Variants in DLG2 observed in about 807,000 individuals in gnomAD.
DLG2 encodes discs large MAGUK scaffold protein 2.
In DLG2, 45 loss-of-function variants were observed where a neutral mutation model predicts 132.5. The observed-to-expected ratio is 0.34, with a 90% CI of 0.27 to 0.44. DLG2 has a LOEUF of 0.44. Ranked by LOEUF, DLG2 falls within the 20% of genes least tolerant of loss-of-function variation. The pLI, the probability that DLG2 is intolerant of heterozygous loss-of-function variation, is 1.00. For synonymous variants in DLG2, 424 were observed against 419.6 expected, an observed-to-expected ratio of 1.01 and a Z score of -0.13; for missense variants, 1,045 against 1,196.9, an observed-to-expected ratio of 0.87 and a Z score of 1.87.
chr11:84,740,611 T>A (rs1353752666), intron 6 of DLG2, among the ~76,000 whole-genome samples: 1 of 152,144 alleles, frequency 6.6e-6, no homozygotes, highest in Admixed American at 6.5e-5. Context: ...ACACTGGTGC[T>A]CCATCTTCAT....
intron 7 of DLG2, among the ~76,000 whole-genome samples, chr11:84,282,593 C>T (rs181688246): frequency 6.6e-5 from 10 of 152,084 alleles, no homozygotes; most frequent in Non-Finnish European, 1.3e-4. Flanking sequence ...AAGTGATAAG[C>T]ACTCATCATT....
intron 3 of DLG2, among the ~76,000 whole-genome samples, chr11:85,544,300 G>A (rs1416805566): frequency 2.0e-5 from 3 of 152,142 alleles, no homozygotes; most frequent in Non-Finnish European, 4.4e-5. Context: ...TCAAATGGTG[G>A]TAGATGTGTG....
chr11:85,322,965 A>G (rs532854206), intron 3 of DLG2, among the ~76,000 whole-genome samples: 16 of 152,232 alleles, frequency 1.1e-4, no homozygotes, highest in Admixed American at 3.3e-4. Flanking sequence ...TCTGATCATG[A>G]TGCACACACA....
chr11:83,636,384 GA>G (rs1196430938), intron 18 of DLG2, among the ~76,000 whole-genome samples: 2 of 152,082 alleles, frequency 1.3e-5, no homozygotes, highest in Non-Finnish European at 2.9e-5. Flanking sequence ...TGAGGGAGTA[GA>G]ATACCTAGAT....
chr11:85,466,790 T>C (rs989636469), intron 3 of DLG2, among the ~76,000 whole-genome samples: 1 of 152,154 alleles, frequency 6.6e-6, no homozygotes, highest in Non-Finnish European at 1.5e-5. Context: ...CTTGGCAATG[T>C]GGGTTCTTTT....
intron 7 of DLG2, among the ~76,000 whole-genome samples, chr11:84,364,420 T>C (rs970722787): frequency 1.3e-5 from 2 of 152,170 alleles, no homozygotes; most frequent in Non-Finnish European, 2.9e-5. Context: ...GCTGAGACGA[T>C]GGGGTTTTCT....
intron 4 of DLG2, among the ~76,000 whole-genome samples, chr11:85,258,735 C>T (rs950288856): frequency 6.6e-6 from 1 of 151,912 alleles, no homozygotes; most frequent in Admixed American, 6.6e-5. Context: ...ATTATGGAAC[C>T]CATAATAAAG....
chr11:85,123,144 A>C (rs2074628013), intron 5 of DLG2, among the ~76,000 whole-genome samples: 3 of 150,438 alleles, frequency 2.0e-5, no homozygotes, highest in South Asian at 4.2e-4. Context: ...CACTCGGCTA[A>C]TTTTTTGTAT....
intron 4 of DLG2, among the ~76,000 whole-genome samples, chr11:85,221,753 T>C (rs186594192): frequency 1.4e-4 from 21 of 152,342 alleles, no homozygotes; most frequent in African/African-American, 4.8e-4. Flanking sequence ...TAGTGGTTTA[T>C]CCAAGGTCAT....
intron 19 of DLG2, among the ~76,000 whole-genome samples, chr11:83,628,288 T>C (rs754916273): frequency 6.6e-6 from 1 of 152,220 alleles, no homozygotes; most frequent in East Asian, 1.9e-4. Flanking sequence ...CCTATTACTA[T>C]ACTCATCTTC....
rs368048517 is a variant in DLG2 at position 84,282,520 on chromosome 11, T to G, written c.520-31229A>C. 4.4e-4 allele frequency among the ~76,000 whole-genome samples: 67 copies of G among 152,274 alleles called. 1 individual carries two copies. In the South Asian group the frequency reaches 0.013, roughly 30 times the overall value. The stretch of plus-strand genomic sequence containing the variant: ...ATCAAACTGTACCTCAGTGAAGCTA[T>G]TTAAATTTTTTTAAGTTTCTAGAGA... On this transcript the variant is annotated intron_variant, in intron 7 of 27. Coordinates refer to ENST00000376104, the MANE Select transcript of DLG2 (RefSeq NM_001142699.3).
rs199905209 is a variant in DLG2 at position 85,534,937 on chromosome 11, C to T, written c.40+63720G>A. On this transcript the variant is annotated intron_variant, in intron 3 of 27. Transcript: ENST00000376104. The stretch of plus-strand genomic sequence containing the variant: ...CACACTGTTTTCCACAAGGGCTAAA[C>T]TAATTTACATTTTCACCAATAGTGT... Among the ~76,000 whole-genome samples, 4 of 152,218 alleles carry T rather than the reference C, an allele frequency of 2.6e-5. No homozygotes were observed. The East Asian group carries it at 7.7e-4, about 29-fold the overall frequency.
intron 8 of DLG2, among the ~76,000 whole-genome samples, chr11:84,175,199 T>C (rs2095926191): frequency 6.6e-6 from 1 of 152,164 alleles, no homozygotes; most frequent in African/African-American, 2.4e-5. Context: ...TGGTCATACA[T>C]AGCAGAGCAC....
At chr11:85,069,300 A>G (rs1447643460) in intron 6 of DLG2, among the ~76,000 whole-genome samples, 17 of 152,286 alleles carry the variant, frequency 1.1e-4, no homozygotes, top group Middle Eastern at 3.4e-3. Flanking sequence ...AAATTGACAA[A>G]TGGGATCTGA....
intron 4 of DLG2, among the ~76,000 whole-genome samples, chr11:85,249,280 C>T (rs1484352827): frequency 6.6e-6 from 1 of 151,878 alleles, no homozygotes; most frequent in Non-Finnish European, 1.5e-5. Flanking sequence ...TCAACTACTA[C>T]TTTAATGCTG....
chr11:85,057,772 A>T (rs1340835276), intron 6 of DLG2, among the ~76,000 whole-genome samples: 1 of 151,578 alleles, frequency 6.6e-6, no homozygotes, highest in Non-Finnish European at 1.5e-5. Flanking sequence ...ACATATGAAA[A>T]GAATAACACC....
intron 11 of DLG2, among the ~76,000 whole-genome samples, chr11:84,027,828 C>G (rs1302994389): frequency 6.6e-6 from 1 of 151,852 alleles, no homozygotes. Flanking sequence ...TTCCATAACA[C>G]AAAGATTTGT....
chr11:84,972,551 T>G (rs2054249570), intron 6 of DLG2, among the ~76,000 whole-genome samples: 1 of 152,220 alleles, frequency 6.6e-6, no homozygotes, highest in South Asian at 2.1e-4. Context: ...AAGAAACTTT[T>G]AAAGCGAAAT....
chr11:84,835,042 T>C (rs1324969733), intron 6 of DLG2, among the ~76,000 whole-genome samples: 3 of 151,664 alleles, frequency 2.0e-5, no homozygotes, highest in East Asian at 1.9e-4. Flanking sequence ...TGATACAGCA[T>C]GCAGAGTGTC....
Sources: gnomAD v4.1 joint callset for allele counts (sites outside exome capture counted in the v4.1 genomes callset) on GRCh38, gnomAD v4.1.1 for gene constraint, MANE v1.5 for transcripts, NCBI Gene and HGNC (gene_info 2026-07-23, HGNC 2026-07-21) for gene names.